TMEM132B: variants seen among roughly 807,000 people sequenced by gnomAD.
The protein encoded by TMEM132B is transmembrane protein 132B.
Under a neutral mutation model 90.8 loss-of-function variants are expected in TMEM132B, and 18 were observed. The ratio of observed to expected loss-of-function variants is 0.20; its 90% CI spans 0.14 to 0.29. The LOEUF is 0.29. Ranked by LOEUF, TMEM132B falls within the 10% of genes least tolerant of loss-of-function variation. TMEM132B has a pLI of 1.00. For missense variants in TMEM132B, 1,096 were observed against 1,326.8 expected (o/e 0.83, Z 2.70); for synonymous variants, 504 against 523.3 (o/e 0.96, Z 0.50).
chr12:125,314,136 G>T (rs1467567879), intron 1 of TMEM132B, among the ~76,000 whole-genome samples: 1 of 152,154 alleles, frequency 6.6e-6, no homozygotes, highest in Non-Finnish European at 1.5e-5. Flanking sequence ...GTGTGTGCAG[G>T]GGACTTGATT....
At chr12:125,295,821 G>T (rs1296434994) in intron 1 of TMEM132B, among the ~76,000 whole-genome samples, 3 of 152,272 alleles carry the variant, frequency 2.0e-5, no homozygotes, top group African/African-American at 7.2e-5. Context: ...CAAGAATGAT[G>T]CCTTATTCAC....
intron 1 of TMEM132B, among the ~76,000 whole-genome samples, chr12:125,219,576 C>T (rs1002113477): frequency 1.3e-5 from 2 of 152,130 alleles, no homozygotes; most frequent in Non-Finnish European, 1.5e-5. Flanking sequence ...GTGGGAAGGA[C>T]CTGGTCTTTC....
intron 1 of TMEM132B, among the ~76,000 whole-genome samples, chr12:125,347,520 G>A (rs529781281): frequency 2.6e-5 from 4 of 152,274 alleles, no homozygotes; most frequent in South Asian, 4.2e-4. Context: ...AGGCCAAAAA[G>A]TGTTTAAATC....
rs375190852 is a variant in TMEM132B, at chr12:125,203,769, C to T, written c.67+16903C>T. ...ATGTATCATATATACTAGAATTTCTCATAGGTTGGCAGACATGGATGGAGT... is the reference window on the plus strand; with the variant it reads ...ATGTATCATATATACTAGAATTTCTTATAGGTTGGCAGACATGGATGGAGT... On this transcript the variant is annotated intron_variant, in intron 1 of 8. Coordinates refer to ENST00000682704, the MANE Select transcript of TMEM132B (RefSeq NM_001366854.1). Among the ~76,000 whole-genome samples the T allele has an allele frequency of 4.3e-4, 66 of 152,300 alleles. 1 individual carries two copies. The South Asian group carries it at 0.012, about 28-fold the overall frequency.
chr12:125,602,354 G>A (rs889003615), intron 5 of TMEM132B, among the ~76,000 whole-genome samples: 1 of 152,294 alleles, frequency 6.6e-6, no homozygotes, highest in Middle Eastern at 3.4e-3. Context: ...CAGAACCAAT[G>A]ACAAAAACTA....
intron 4 of TMEM132B, among the ~76,000 whole-genome samples, chr12:125,565,904 A>G (rs1364788499): frequency 1.3e-5 from 2 of 152,174 alleles, no homozygotes; most frequent in East Asian, 1.9e-4. Context: ...TCCAGGCTTG[A>G]GGGTGGGGCC....
At chr12:125,287,960 C>A (rs182884216) in intron 1 of TMEM132B, among the ~76,000 whole-genome samples, 1 of 151,926 alleles carries the variant, frequency 6.6e-6, no homozygotes, top group African/African-American at 2.4e-5. Flanking sequence ...CTCTGCCTCC[C>A]GGGTTCAAGC....
At chr12:125,350,371 A>G (rs1877528514) in intron 2 of TMEM132B, 28 bp downstream of exon 2, 1 of 1,576,652 alleles carries the variant, frequency 6.3e-7, no homozygotes, top group Admixed American at 1.8e-5. Flanking sequence ...GTGGGATGGA[A>G]CAGAAGCCAA....
At chr12:125,597,318 GC>G (rs1226892634) in intron 5 of TMEM132B, among the ~76,000 whole-genome samples, 1 of 152,150 alleles carries the variant, frequency 6.6e-6, no homozygotes, top group African/African-American at 2.4e-5. Context: ...CTGGTTTTCA[GC>G]TCCTGCCTTG....
intron 1 of TMEM132B, among the ~76,000 whole-genome samples, chr12:125,198,638 G>A (rs968021987): frequency 2.0e-5 from 3 of 152,318 alleles, no homozygotes; most frequent in South Asian, 2.1e-4. Flanking sequence ...CTCATTTCTG[G>A]AACTGGAATT....
At chr12:125,385,354 T>C (rs1878800194) in intron 2 of TMEM132B, among the ~76,000 whole-genome samples, 1 of 152,174 alleles carries the variant, frequency 6.6e-6, no homozygotes, top group Non-Finnish European at 1.5e-5. Flanking sequence ...CTGTCTAGCA[T>C]CTTTTTGCTC....
At chr12:125,397,977 G>A (rs1879213270) in intron 2 of TMEM132B, among the ~76,000 whole-genome samples, 2 of 152,316 alleles carry the variant, frequency 1.3e-5, no homozygotes, top group South Asian at 4.1e-4. Flanking sequence ...AAAAATAAGA[G>A]TATGTCCCAC....
chr12:125,326,414 A>T (rs1876565911), intron 1 of TMEM132B: 1 of 625,834 alleles, frequency 1.6e-6, no homozygotes, highest in South Asian at 1.8e-5. Context: ...TGAAAAAGTC[A>T]CTTGCCCTCC....
At chr12:125,598,005 C>T (rs143170763) in intron 5 of TMEM132B, among the ~76,000 whole-genome samples, 159 of 152,128 alleles carry the variant, frequency 1.0e-3, no homozygotes, top group African/African-American at 3.5e-3. Flanking sequence ...GCAATGGGAG[C>T]GTTTGTGGTG....
At chr12:125,402,273 TCCA>T (rs1879342533) in intron 2 of TMEM132B, among the ~76,000 whole-genome samples, 1 of 152,280 alleles carries the variant, frequency 6.6e-6, no homozygotes. Context: ...CACTGCAACC[TCCA>T]CCACCCGGGT....
At chr12:125,211,456 C>T (rs1230234324) in intron 1 of TMEM132B, among the ~76,000 whole-genome samples, 1 of 152,194 alleles carries the variant, frequency 6.6e-6, no homozygotes, top group Non-Finnish European at 1.5e-5. Context: ...TCCTGGGGCA[C>T]AGCCCACTGA....
chr12:125,514,765 G>A (rs1883064713), intron 3 of TMEM132B, among the ~76,000 whole-genome samples: 1 of 152,106 alleles, frequency 6.6e-6, no homozygotes, highest in African/African-American at 2.4e-5. Flanking sequence ...CCCTGGTCCT[G>A]TGAAGCAGTC....
Position 125,255,187 on chromosome 12 carries a change from G to A in TMEM132B, c.67+68321G>A, listed in dbSNP as rs75747251. 5.3e-3 allele frequency among the ~76,000 whole-genome samples: 806 copies of A among 152,220 alleles called. 8 individuals carry two copies. The highest frequency in any genetic ancestry group is 0.018 in the African/African-American group (752 of 41,530). ...CATCCCTAGCTCAGAACCAAGGTAG[G>A]GGCTTGCGGGGAGGAGAGGGTGGCA... On this transcript the variant is annotated intron_variant, in intron 1 of 8. Coordinates refer to ENST00000682704, the MANE Select transcript of TMEM132B (RefSeq NM_001366854.1).
chr12:125,462,641 T>C (rs1349319633), intron 3 of TMEM132B, among the ~76,000 whole-genome samples: 2 of 152,192 alleles, frequency 1.3e-5, no homozygotes, highest in Non-Finnish European at 2.9e-5. Flanking sequence ...AGCTGAGGTG[T>C]GGCTGGACTA....
Sources: allele counts gnomAD v4.1 joint callset (sites outside exome capture counted in the v4.1 genomes callset), GRCh38; gene constraint gnomAD v4.1.1; transcripts MANE v1.5; gene names NCBI Gene and HGNC (gene_info 2026-07-23, HGNC 2026-07-21).